Variants in ENKUR observed in about 807,000 individuals in gnomAD.
ENKUR encodes the protein enkurin.
A neutral mutation model predicts 27.6 loss-of-function variants in ENKUR; 19 were observed. The observed-to-expected ratio is 0.69, with a 90% CI of 0.48 to 1.01. The LOEUF (loss-of-function observed/expected upper bound fraction) is 1.01, where lower values mean the gene tolerates loss of function less well. ENKUR is among the 50% of genes least tolerant of loss of function. The pLI is 0.00. For synonymous variants in ENKUR, 117 were observed against 96.9 expected, an observed-to-expected ratio of 1.21 and a Z score of -1.22; for missense variants, 312 against 310.5, an observed-to-expected ratio of 1.00 and a Z score of -0.04.
At chr10:25,030,575 AG>A (rs1387489059) in intron 2 of ENKUR, among the ~76,000 whole-genome samples, 2 of 152,096 alleles carry the variant, frequency 1.3e-5, no homozygotes, top group Non-Finnish European at 2.9e-5. Flanking sequence ...CTTTATGGTC[AG>A]GGTTCTAAAA....
At position 25,015,995 on chromosome 10, in the gene ENKUR, A is replaced by G; in HGVS notation, c.-59T>C. 6.4e-7 allele frequency: 1 copy of G among 1,566,922 alleles called. No individual in the cohort carries two copies. The highest frequency in any genetic ancestry group is 8.6e-7 in the Non-Finnish European group (1 of 1,157,216). On this transcript the variant is annotated 5_prime_UTR_variant, in exon 1 of 6. Coordinates refer to ENST00000331161, the MANE Select transcript of ENKUR (RefSeq NM_145010.4). ...ACAACTTTTTTCTCCCTGTCCCAGT[A>G]TCTCCGTCCCTTTCTTCACTGCTTC...
intron 2 of ENKUR, among the ~76,000 whole-genome samples, chr10:25,034,272 G>A (rs745917066): frequency 1.3e-5 from 2 of 151,950 alleles, no homozygotes; most frequent in African/African-American, 4.8e-5. Context: ...GCACTATGTG[G>A]CAAACACATG....
intron 2 of ENKUR, among the ~76,000 whole-genome samples, chr10:25,049,448 T>A (rs1369861827): frequency 6.6e-6 from 1 of 152,184 alleles, no homozygotes; most frequent in Non-Finnish European, 1.5e-5. Context: ...GAGATCATCA[T>A]TCTACTAGTT....
intron 2 of ENKUR, among the ~76,000 whole-genome samples, chr10:25,045,453 AT>A (rs1241733190): frequency 6.6e-6 from 1 of 152,240 alleles, no homozygotes; most frequent in Non-Finnish European, 1.5e-5. Context: ...GTTTCTTTCT[AT>A]AAAAAAAGAG....
intron 1 of ENKUR, among the ~76,000 whole-genome samples, chr10:25,002,969 C>T (rs1850222700): frequency 6.6e-6 from 1 of 151,570 alleles, no homozygotes; most frequent in Non-Finnish European, 1.5e-5. Flanking sequence ...ATTTGTAAAC[C>T]CATGATTCAA....
intron 2 of ENKUR, among the ~76,000 whole-genome samples, chr10:25,057,052 A>G (rs998576729): frequency 6.6e-6 from 1 of 152,214 alleles, no homozygotes; most frequent in Non-Finnish European, 1.5e-5. Context: ...AGAAAGACAC[A>G]TTTTACTTGG....
chr10:24,997,636 G>A (rs750372654), intron 2 of ENKUR, among the ~76,000 whole-genome samples: 29 of 152,024 alleles, frequency 1.9e-4, no homozygotes, highest in Non-Finnish European at 2.9e-4. Context: ...CAGTCCTCCT[G>A]TCTTGGCCTC....
chr10:25,002,972 T>C (rs1850222970), intron 1 of ENKUR, among the ~76,000 whole-genome samples: 1 of 152,036 alleles, frequency 6.6e-6, no homozygotes, highest in African/African-American at 2.4e-5. Context: ...TGTAAACCCA[T>C]GATTCAATAT....
intron 2 of ENKUR, among the ~76,000 whole-genome samples, chr10:25,059,827 CA>C (rs112899740): frequency 0.028 from 3,555 of 128,258 alleles, 152 homozygotes; most frequent in African/African-American, 0.094. Context: ...AGTCTCTTAA[CA>C]AAAAAAAAAA....
At chr10:25,012,685 A>G (rs987736855) in intron 1 of ENKUR, among the ~76,000 whole-genome samples, 2 of 152,160 alleles carry the variant, frequency 1.3e-5, no homozygotes, top group African/African-American at 4.8e-5. Flanking sequence ...CTGGACCCCC[A>G]TTGTATCTGG....
chr10:24,995,939 C>A, intron 2 of ENKUR, 70 bp from the exon 3 acceptor site: 3 of 1,247,196 alleles, frequency 2.4e-6, no homozygotes, highest in Non-Finnish European at 3.3e-6. Context: ...TTTATAATAT[C>A]CAGATATTTC....
At chr10:25,061,224 G>A (rs185982463) in exon 2 of ENKUR, 6 of 1,367,948 alleles carry the variant, frequency 4.4e-6, no homozygotes, top group East Asian at 5.0e-5. Flanking sequence ...CTTTGAAATC[G>A]ACCCTGGTTT....
At chr10:25,061,160 A>C (rs1171044114) in exon 2 of ENKUR, 2 of 1,536,090 alleles carry the variant, frequency 1.3e-6, no homozygotes, top group Admixed American at 2.0e-5. Flanking sequence ...CTCCGTGGTG[A>C]ACAATCTCCA....
At chr10:25,049,932 A>G (rs1475541567) in intron 2 of ENKUR, among the ~76,000 whole-genome samples, 1 of 152,150 alleles carries the variant, frequency 6.6e-6, no homozygotes, top group East Asian at 1.9e-4. Flanking sequence ...AAGAGGTTTA[A>G]TTGGCTCATG....
At chr10:24,987,915 G>T (rs1315805137) in intron 4 of ENKUR, among the ~76,000 whole-genome samples, 1 of 151,880 alleles carries the variant, frequency 6.6e-6, no homozygotes, top group East Asian at 1.9e-4. Context: ...TGAACAAAGG[G>T]GCCCACAATG....
chr10:25,022,753 CACTCCA>C (rs756220514), intron 2 of ENKUR, among the ~76,000 whole-genome samples: 4 of 152,050 alleles, frequency 2.6e-5, no homozygotes, highest in Non-Finnish European at 5.9e-5. Flanking sequence ...AAGTAGATAG[CACTCCA>C]ACTCCAAATC....
chr10:25,015,863 G>C lies in ENKUR; in HGVS notation c.74C>G (p.Pro25Arg). 1 of 1,603,334 alleles carries C rather than the reference G, an allele frequency of 6.2e-7. No homozygotes were observed. The highest frequency in any genetic ancestry group is 8.5e-7 in the Non-Finnish European group (1 of 1,174,736). The change falls in exon 1 of 6, where the codon CCT (proline) becomes CGT (arginine). Residue 25 changes from proline to arginine, a missense_variant. Coordinates refer to ENST00000331161, the MANE Select transcript of ENKUR (RefSeq NM_145010.4). The stretch of plus-strand genomic sequence containing the variant: ...TAGTCTTTGCTTATCCACATACCTA[G>C]GAGGCTGGGGAGGCTCCTTCAAGTC... ...PSDLKEPPQP[P>R]RYISIFKATV... is the part of the protein sequence containing the mutation.
chr10:25,007,480 G>C (rs1421409982), intron 1 of ENKUR, among the ~76,000 whole-genome samples: 1 of 152,094 alleles, frequency 6.6e-6, no homozygotes, highest in Non-Finnish European at 1.5e-5. Flanking sequence ...TTTCACCCAG[G>C]CTGGAGTGCA....
At chr10:25,024,938 T>G in intron 2 of ENKUR, 2 of 1,614,042 alleles carry the variant, frequency 1.2e-6, no homozygotes, top group Non-Finnish European at 1.7e-6. Context: ...TCTTCAAACC[T>G]AGAACGACAT....
Sources: gnomAD v4.1 joint callset for allele counts (sites outside exome capture counted in the v4.1 genomes callset) on GRCh38, gnomAD v4.1.1 for gene constraint, MANE v1.5 for transcripts, NCBI Gene and HGNC (gene_info 2026-07-23, HGNC 2026-07-21) for gene names.